RNF213: variants seen among roughly 807,000 people sequenced by gnomAD.
RNF213 encodes the protein E3 ubiquitin-protein ligase RNF213.
A neutral mutation model predicts 514.4 loss-of-function variants in RNF213; 341 were observed. The observed-to-expected ratio is 0.66, with a 90% CI of 0.61 to 0.73. RNF213 has a LOEUF of 0.73. Among genes scored for constraint, RNF213 ranks in the 30% least tolerant of loss-of-function variants. The pLI is 0.00. For missense variants in RNF213, 5,767 were observed against 6,615.6 expected (o/e 0.87, Z 4.45); for synonymous variants, 2,655 against 2,658.2 (o/e 1.00, Z 0.04).
intron 26 of RNF213, 135 bp from the exon 27 acceptor site, chr17:80,342,997 G>T: frequency 4.2e-6 from 3 of 708,448 alleles, no homozygotes; most frequent in Non-Finnish European, 7.4e-6. Flanking sequence ...TAGTAGGGAC[G>T]GGATTTCACC....
chr17:80,381,095 G>A (rs1162001674), intron 56 of RNF213, 108 bp downstream of exon 56: 1 of 1,135,002 alleles, frequency 8.8e-7, no homozygotes, highest in Non-Finnish European at 1.3e-6. Flanking sequence ...GCGTTTTGGA[G>A]ATAATTAGTC....
chr17:80,380,378 C>T (rs1335453228), intron 55 of RNF213, among the ~76,000 whole-genome samples: 1 of 152,204 alleles, frequency 6.6e-6, no homozygotes, highest in Non-Finnish European at 1.5e-5. Flanking sequence ...ATAGTTTTGC[C>T]ACTGAGAGCA....
chr17:80,353,531 G>A lies in RNF213; in HGVS notation c.10443G>A (p.Ala3481=), dbSNP rs116677277. 1.3e-3 allele frequency: 2,065 copies of A among 1,611,970 alleles called. 29 individuals are homozygous for A. The African/African-American group carries it at 0.023, about 18-fold the overall frequency. ...CTGCAGTGGGCTTGGAACACCGGGC[G>A]GAAGACGGCCATGAGGAGGCGATGG... ...DLPELGLEHR[A]EDGHEEAMET... is the part of the protein sequence containing the mutation. The change falls in exon 34 of 68, where the codon GCG becomes GCA. Residue 3481 remains alanine, a synonymous_variant. Coordinates refer to ENST00000582970, the MANE Select transcript of RNF213 (RefSeq NM_001256071.3). The surrounding 1 kb of genome is among the most constrained non-coding windows in gnomAD (Gnocchi z 5.0).
chr17:80,270,123 C>T (rs530484391), intron 2 of RNF213, among the ~76,000 whole-genome samples: 12 of 152,346 alleles, frequency 7.9e-5, no homozygotes, highest in Admixed American at 2.0e-4. Context: ...CACACACACA[C>T]GTTAATGTGA....
chr17:80,372,883 G>C (rs994040981), intron 48 of RNF213, 92 bp from the exon 49 acceptor site: 71 of 1,411,914 alleles, frequency 5.0e-5, no homozygotes, highest in Non-Finnish European at 6.5e-5. Flanking sequence ...GAATGCCTGT[G>C]GGTAGGTCCG....
Position 80,347,663 on chromosome 17 carries a change from G to A in RNF213, c.9328G>A (p.Glu3110Lys). 4 of 1,614,120 alleles carry A rather than the reference G, an allele frequency of 2.5e-6. No individual in the cohort carries two copies. The highest frequency in any genetic ancestry group is 1.7e-6 in the Non-Finnish European group (2 of 1,180,028). The change falls in exon 29 of 68, where the codon GAG (glutamate) becomes AAG (lysine). Residue 3110 changes from glutamate (E) to lysine (K), a missense_variant. By Grantham distance (56) the Glu-to-Lys change is moderately conservative. This residue lies in a region of RNF213 where 919 missense variants were observed against 1,121.0 expected (regional missense o/e 0.82). Transcript: ENST00000582970. The surrounding 1 kb of genome is among the most constrained non-coding windows in gnomAD (Gnocchi z 7.2). ...GCTTCTCAACCTGCAGAACCTCTAC[G>A]AGAGCCTCTACGACGCACTCAACCA... The part of the protein sequence containing the change: ...VLLLNLQNLY[E>K]SLYDALNQYY...
chr17:80,359,631 A>G (rs950532977), intron 37 of RNF213, among the ~76,000 whole-genome samples: 1 of 151,512 alleles, frequency 6.6e-6, no homozygotes, highest in Non-Finnish European at 1.5e-5. Flanking sequence ...TAAAGAAAGA[A>G]AGAGTGAGAG....
Position 80,295,018 on chromosome 17 carries a change from A to T in RNF213, c.1755+15A>T, listed in dbSNP as rs764837983. The stretch of plus-strand genomic sequence containing the variant: ...GGGAGAAAGAGGTATCAGGCTTGCC[A>T]CCAGCTGCTCTACCTGCTGGGCAGG... On this transcript the variant is annotated intron_variant, in intron 9 of 67. Transcript: ENST00000582970. The T allele has an allele frequency of 2.9e-5, 46 of 1,613,772 alleles. No individual in the cohort carries two copies. In the East Asian group the frequency reaches 6.7e-4, roughly 23 times the overall value.
intron 3 of RNF213, among the ~76,000 whole-genome samples, chr17:80,274,577 C>T (rs1210386333): frequency 1.9e-4 from 7 of 37,310 alleles, no homozygotes; most frequent in Non-Finnish European, 3.8e-4. Flanking sequence ...AGCCGCAGTG[C>T]TGTGGTCTGT....
Position 80,346,176 on chromosome 17 carries a change from T to C in RNF213, c.7841T>C (p.Val2614Ala), listed in dbSNP as rs754220681. 6.2e-7 allele frequency: 1 copy of C among 1,614,178 alleles called. No homozygotes were observed. The highest frequency in any genetic ancestry group is 8.5e-7 in the Non-Finnish European group (1 of 1,180,032). ...AGCCTAGATGAAAACGGGACTCGCG[T>C]GATCACAGAAGTCCTCTGCGCCTCT... Reference protein sequence around the residue: ...SISLDENGTRVITEVLCASQG... With the variant: ...SISLDENGTRAITEVLCASQG... The change falls in exon 29 of 68, where the codon GTG becomes GCG. Residue 2614 changes from valine to alanine, a missense_variant. Around this residue, in one of 13 missense-constraint regions of RNF213, gnomAD observed 1,377 missense variants for 1,635.2 expected, o/e 0.84. Coordinates refer to ENST00000582970, the MANE Select transcript of RNF213 (RefSeq NM_001256071.3). The surrounding 1 kb of genome is among the most constrained non-coding windows in gnomAD (Gnocchi z 8.1).
Position 80,287,963 on chromosome 17 carries a change from A to T in RNF213, c.410A>T (p.Gln137Leu), listed in dbSNP as rs1008755354. The change falls in exon 4 of 68, where the codon CAA (glutamine) becomes CTA (leucine). Residue 137 changes from glutamine (Q) to leucine (L), a missense_variant. By Grantham distance (113) the Gln-to-Leu change is moderately radical. This residue lies in a region of RNF213 where 509 missense variants were observed against 496.7 expected (regional missense o/e 1.02). Coordinates refer to ENST00000582970, the MANE Select transcript of RNF213 (RefSeq NM_001256071.3). ...WPQDTALPHS[Q>L]AQQSGPTGQP... is the part of the protein sequence containing the mutation. ...CAGGACACAGCCCTGCCCCACAGCC[A>T]AGCCCAGCAGAGTGGCCCCACTGGC... 6.4e-7 allele frequency: 1 copy of T among 1,573,308 alleles called. No individual in the cohort carries two copies. The highest frequency in any genetic ancestry group is 8.6e-7 in the Non-Finnish European group (1 of 1,159,616).
intron 17 of RNF213, among the ~76,000 whole-genome samples, chr17:80,322,901 C>T (rs1426052740): frequency 6.6e-6 from 1 of 152,150 alleles, no homozygotes; most frequent in Admixed American, 6.5e-5. Flanking sequence ...GTTAGCATAT[C>T]TGTTTTTTCT....
chr17:80,314,087 GAT>G, intron 15 of RNF213, among the ~76,000 whole-genome samples: 1 of 102,116 alleles, frequency 9.8e-6, no homozygotes, highest in African/African-American at 4.8e-5. Flanking sequence ...TGGTGGAGGT[GAT>G]GGTGGAGGTA....
intron 15 of RNF213, among the ~76,000 whole-genome samples, chr17:80,314,217 ATGGTGGTGGTGAAG>A (rs2045737304): frequency 1.1e-5 from 1 of 94,742 alleles, no homozygotes. Context: ...AATGGAGGTG[ATGGTGGTGGTGAAG>A]GTGATGGTGG....
At chr17:80,342,722 GTATA>G (rs1188007741) in intron 26 of RNF213, among the ~76,000 whole-genome samples, 7 of 140,070 alleles carry the variant, frequency 5.0e-5, no homozygotes, top group Admixed American at 2.9e-4. Flanking sequence ...TATATAGTAT[GTATA>G]TATATATTAT....
intron 44 of RNF213, 91 bp from the exon 45 acceptor site, chr17:80,369,411 A>G: frequency 1.5e-6 from 2 of 1,311,390 alleles, no homozygotes; most frequent in Admixed American, 3.6e-5. Context: ...AAAAAAAAAA[A>G]AAAGTGAAAT....
intron 18 of RNF213, among the ~76,000 whole-genome samples, chr17:80,326,607 C>T (rs1003185382): frequency 1.3e-5 from 2 of 152,188 alleles, no homozygotes; most frequent in African/African-American, 4.8e-5. Flanking sequence ...CCACCCCTCC[C>T]ATTTCCTTTA....
Position 80,372,591 on chromosome 17 carries a change from G to A in RNF213, c.12608G>A (p.Arg4203His), listed in dbSNP as rs1053548944. The A allele has an allele frequency of 1.1e-5, 18 of 1,613,852 alleles. No homozygotes were observed. Among genetic ancestry groups the A allele is most frequent in the East Asian group, 8.9e-5 (4 of 44,890 alleles). ...DELNHLEEEG[R>H]FLKAYSPASR... ...CTGAACCACCTAGAAGAGGAAGGTC[G>A]TTTCCTTAAGGCATATTCTCCAGCA... The change falls in exon 48 of 68, where the codon CGT becomes CAT. Residue 4203 changes from arginine to histidine, a missense_variant. By Grantham distance (29) the Arg-to-His change is conservative. Around this residue, in one of 13 missense-constraint regions of RNF213, gnomAD observed 1,245 missense variants for 1,339.0 expected, o/e 0.93. Coordinates refer to ENST00000582970, the MANE Select transcript of RNF213 (RefSeq NM_001256071.3).
At position 80,390,059 on chromosome 17, in the gene RNF213, G is replaced by A. The variant is rs745586717; in HGVS notation, c.15333G>A (p.Pro5111=). 5.0e-6 allele frequency: 8 copies of A among 1,614,182 alleles called. No individual in the cohort carries two copies. In the East Asian group the frequency reaches 6.7e-5, roughly 13 times the overall value. ...CAAGGTACAAAGCGGATCTGAGCCC[G>A]GAAAATGCTAAGCTCCTCAGCACAT... ...ISSRYKADLS[P]ENAKLLSTFL... is the part of the protein sequence containing the mutation. Residue 5111 remains proline, a synonymous_variant, in exon 67 of 68, where the codon CCG becomes CCA. Coordinates refer to ENST00000582970, the MANE Select transcript of RNF213 (RefSeq NM_001256071.3).
Sources: gnomAD v4.1 joint callset for allele counts (sites outside exome capture counted in the v4.1 genomes callset) on GRCh38, gnomAD v4.1.1 for gene constraint, gnomAD v4.1.1 regional missense constraint, Gnocchi (gnomAD v3.1) non-coding constraint, MANE v1.5 for transcripts, NCBI Gene and HGNC (gene_info 2026-07-23, HGNC 2026-07-21) for gene names.